Variants in ACTN1 observed in about 807,000 individuals in gnomAD.
ACTN1 encodes alpha-actinin-1.
Under a neutral mutation model 119.6 loss-of-function variants are expected in ACTN1, and 30 were observed. The observed-to-expected ratio is 0.25, with a 90% CI of 0.19 to 0.34. The LOEUF is 0.34. Among genes scored for constraint, ACTN1 ranks in the 10% least tolerant of loss-of-function variants. The pLI is 1.00. For synonymous variants in ACTN1, 429 were observed against 472.6 expected, an observed-to-expected ratio of 0.91 and a Z score of 1.20; for missense variants, 764 against 1,223.4, an observed-to-expected ratio of 0.62 and a Z score of 5.60.
intron 1 of ACTN1, among the ~76,000 whole-genome samples, chr14:68,944,150 G>A (rs774455709): frequency 3.9e-5 from 6 of 152,244 alleles, no homozygotes; most frequent in Non-Finnish European, 8.8e-5. Context: ...ATGCAGAATG[G>A]GCCAGCAGGT....
Position 68,978,975 on chromosome 14 carries a change from C to A in ACTN1, c.82G>T (p.Ala28Ser). Residue 28 changes from alanine to serine, a missense_variant, in exon 1 of 22, where the codon GCC becomes TCC. By Grantham distance (99) the Ala-to-Ser change is moderately conservative. Around this residue, in one of 4 missense-constraint regions of ACTN1, gnomAD observed 64 missense variants for 80.0 expected, o/e 0.80. Transcript: ENST00000394419. ...DWDRDLLLDPAWEKQQRKTFT... is the reference protein window; with the variant it reads ...DWDRDLLLDPSWEKQQRKTFT... ...ACCTTTCTCTGCTGCTTCTCCCAGG[C>A]CGGGTCCAGGAGCAGGTCCCGGTCC... The A allele has an allele frequency of 6.2e-7, 1 of 1,601,036 alleles. No homozygotes were observed. The highest frequency in any genetic ancestry group is 1.1e-5 in the South Asian group (1 of 89,216).
At chr14:68,876,113 C>T (rs1192628760) in intron 21 of ACTN1, among the ~76,000 whole-genome samples, 3 of 152,184 alleles carry the variant, frequency 2.0e-5, no homozygotes, top group Non-Finnish European at 2.9e-5. Context: ...TTTCAGGCCT[C>T]AGCCTCCCAA....
intron 1 of ACTN1, among the ~76,000 whole-genome samples, chr14:68,938,222 C>T (rs111349359): frequency 2.7e-4 from 41 of 152,212 alleles, no homozygotes; most frequent in Admixed American, 9.8e-4. Flanking sequence ...TGCCCACTTC[C>T]CACCCACCTG....
intron 1 of ACTN1, among the ~76,000 whole-genome samples, chr14:68,972,444 G>T (rs1274439314): frequency 6.6e-6 from 1 of 152,112 alleles, no homozygotes; most frequent in African/African-American, 2.4e-5. Flanking sequence ...GGGATGACAG[G>T]CAATTGTCAT....
chr14:68,875,062 G>A, intron 21 of ACTN1, 45 bp from the exon 22 acceptor site: 3 of 1,605,608 alleles, frequency 1.9e-6, no homozygotes, highest in Non-Finnish European at 2.5e-6. Context: ...TCCAGCAGCC[G>A]TAAAGCGGCG....
In ACTN1 at chr14:68,874,307, T is replaced by TA. The variant is rs1248770097; in HGVS notation, c.*551dup. On this transcript the variant is annotated 3_prime_UTR_variant, in exon 22 of 22. Coordinates refer to ENST00000394419, the MANE Select transcript of ACTN1 (RefSeq NM_001130004.2). ...GAGAAGCCACATAAATTCTCTTCCT[T>TA]AAAAAACAGCCATTTCAAAAGATTT... The TA allele has an allele frequency of 6.6e-6, 1 of 152,316 alleles. No homozygotes were observed. The highest frequency in any genetic ancestry group is 1.5e-5 in the Non-Finnish European group (1 of 68,046). The allele number at this position is 152,316 out of a possible 1,614,324, so 9.4% of individuals were successfully genotyped here.
At chr14:68,939,277 C>A (rs1429090083) in intron 1 of ACTN1, among the ~76,000 whole-genome samples, 1 of 152,186 alleles carries the variant, frequency 6.6e-6, no homozygotes, top group Non-Finnish European at 1.5e-5. Context: ...ACTGCCTCAG[C>A]CAATCTGTCA....
intron 3 of ACTN1, among the ~76,000 whole-genome samples, chr14:68,918,727 C>G (rs2034473127): frequency 7.1e-6 from 1 of 141,732 alleles, no homozygotes; most frequent in Non-Finnish European, 1.6e-5. Flanking sequence ...AATCCCATCT[C>G]TACTAAAAAA....
chr14:68,962,893 T>C (rs1483681445), intron 1 of ACTN1, among the ~76,000 whole-genome samples: 1 of 152,180 alleles, frequency 6.6e-6, no homozygotes, highest in Admixed American at 6.5e-5. Context: ...AGCCACGCAC[T>C]GAGCAGGTCT....
At position 68,893,744 on chromosome 14, in the gene ACTN1, C is replaced by A; in HGVS notation, c.766G>T (p.Glu256Ter). The change falls in exon 9 of 22, where the codon GAG becomes TAG. Residue 256 changes from glutamate to a stop codon, truncating the protein, a stop_gained. Transcript: ENST00000394419. LOFTEE classifies it high-confidence loss of function. ...YHAFSGAQKA[E>*]TAANRICKVL... The stretch of plus-strand genomic sequence containing the variant: ...TTGCAGATGCGATTGGCTGCTGTCT[C>A]CGCCTGGCAACAAGACAGAGAGAGT... 1 of 1,613,824 alleles carries A rather than the reference C, an allele frequency of 6.2e-7. No homozygotes were observed. The highest frequency in any genetic ancestry group is 8.5e-7 in the Non-Finnish European group (1 of 1,179,976).
chr14:68,912,004 G>T, intron 4 of ACTN1, 152 bp downstream of exon 4: 1 of 644,498 alleles, frequency 1.6e-6, no homozygotes, highest in East Asian at 2.8e-5. Flanking sequence ...TACATTGACT[G>T]GAGGAGAAGG....
chr14:68,889,939 T>C (rs2032341382), intron 11 of ACTN1, among the ~76,000 whole-genome samples, 200 bp downstream of exon 11: 1 of 152,198 alleles, frequency 6.6e-6, no homozygotes, highest in African/African-American at 2.4e-5. Context: ...GCCTGTGAGG[T>C]TGGTACTATT....
chr14:68,920,320 C>T (rs2034568183), intron 3 of ACTN1, among the ~76,000 whole-genome samples: 1 of 152,174 alleles, frequency 6.6e-6, no homozygotes, highest in African/African-American at 2.4e-5. Flanking sequence ...TGACATCACG[C>T]AGCAGGTGCC....
intron 6 of ACTN1, among the ~76,000 whole-genome samples, chr14:68,906,962 A>G (rs190911200): frequency 1.2e-4 from 18 of 151,144 alleles, no homozygotes; most frequent in Admixed American, 1.1e-3. Flanking sequence ...CATCTCTACA[A>G]AAAAATTACA....
At chr14:68,953,864 C>T (rs1030349271) in intron 1 of ACTN1, among the ~76,000 whole-genome samples, 10 of 146,134 alleles carry the variant, frequency 6.8e-5, no homozygotes, top group East Asian at 2.0e-4. Context: ...CCAGCCTGGG[C>T]GACACAGCAA....
chr14:68,885,672 G>T lies in ACTN1; in HGVS notation c.1235-97C>A. The T allele has an allele frequency of 7.1e-7, 1 of 1,413,910 alleles. No homozygotes were observed. The highest frequency in any genetic ancestry group is 2.4e-5 in the East Asian group (1 of 41,752). The allele number at this position is 1,413,910 out of a possible 1,614,324, so 87.6% of individuals were successfully genotyped here. A position where few individuals can be genotyped will look rare whatever the true frequency, so the allele number is the denominator to read the frequency against. Reference sequence around the variant, plus strand: ...CAGGGCCCCAGGAGCTCCACTTCTGGGGGTGCTTCTCAAGGAGGTGCCCAT... The same window carrying T: ...CAGGGCCCCAGGAGCTCCACTTCTGTGGGTGCTTCTCAAGGAGGTGCCCAT... On this transcript the variant is annotated intron_variant, in intron 11 of 21. Coordinates refer to ENST00000394419, the MANE Select transcript of ACTN1 (RefSeq NM_001130004.2). The surrounding 1 kb of genome is among the most constrained non-coding windows in gnomAD (Gnocchi z 5.6).
chr14:68,977,818 C>T (rs1030141516), intron 1 of ACTN1: 21 of 370,140 alleles, frequency 5.7e-5, no homozygotes, highest in Admixed American at 1.5e-4. Context: ...CCACCCAAAA[C>T]CCCATTCCCA....
At chr14:68,890,621 C>G (rs1366953638) in intron 10 of ACTN1, among the ~76,000 whole-genome samples, 1 of 152,022 alleles carries the variant, frequency 6.6e-6, no homozygotes, top group Admixed American at 6.6e-5. Context: ...TAACCGATCA[C>G]AGAGGTCACA....
intron 1 of ACTN1, among the ~76,000 whole-genome samples, chr14:68,969,844 A>C (rs1206041443): frequency 6.6e-6 from 1 of 152,110 alleles, no homozygotes; most frequent in Non-Finnish European, 1.5e-5. Flanking sequence ...GATTTTAAGA[A>C]CCCCTCCCAC....
Sources: gnomAD v4.1 joint callset for allele counts (sites outside exome capture counted in the v4.1 genomes callset) on GRCh38, gnomAD v4.1.1 for gene constraint, gnomAD v4.1.1 regional missense constraint, Gnocchi (gnomAD v3.1) non-coding constraint, MANE v1.5 for transcripts, NCBI Gene and HGNC (gene_info 2026-07-23, HGNC 2026-07-21) for gene names.